The following ZMYM2 variants were observed in gnomAD, a reference collection of about 807,000 sequenced individuals.
The protein encoded by ZMYM2 is zinc finger MYM-type containing 2.
ZMYM2 carries 56 observed loss-of-function variants against 162.8 expected under a neutral mutation model. The ratio of observed to expected loss-of-function variants is 0.34; its 90% CI spans 0.28 to 0.43. The LOEUF (loss-of-function observed/expected upper bound fraction) is 0.43, where lower values mean the gene tolerates loss of function less well. ZMYM2 is among the 20% of genes least tolerant of loss of function. The pLI is 1.00. For missense variants in ZMYM2, 1,275 were observed against 1,621.8 expected (o/e 0.79, Z 3.67); for synonymous variants, 510 against 541.6 (o/e 0.94, Z 0.81).
At chr13:19,954,964 C>T (rs752138730), upstream of ZMYM2, among the ~76,000 whole-genome samples, 6 of 151,892 alleles carry the variant, frequency 4.0e-5, no homozygotes, top group African/African-American at 9.7e-5. Flanking sequence ...GCATGCACCA[C>T]GCTGCCCGGC....
chr13:20,084,452 A>G (rs1372577989), intron 24 of ZMYM2, among the ~76,000 whole-genome samples: 1 of 152,186 alleles, frequency 6.6e-6, no homozygotes, highest in Non-Finnish European at 1.5e-5. Context: ...TTGTGACTAG[A>G]AAGCAGCCAT....
At chr13:19,906,368 T>A in the ZMYM2 span, among the ~76,000 whole-genome samples, 1 of 142,552 alleles carries the variant, frequency 7.0e-6, no homozygotes, top group Admixed American at 7.4e-5. Context: ...TATATATGTA[T>A]ATATATATGT....
In ZMYM2 at chr13:20,082,086, T is replaced by A; in HGVS notation, c.3524T>A (p.Leu1175Ter). Residue 1175 changes from leucine to a stop codon, truncating the protein, a stop_gained, in exon 22 of 25, where the codon TTG (leucine) becomes TAG (stop). Coordinates refer to ENST00000610343, the MANE Select transcript of ZMYM2 (RefSeq NM_197968.4). LOFTEE classifies it high-confidence loss of function. ...DPGYQTFEQE[L>*]NKILRSWQPS... is the part of the protein sequence containing the mutation. ...GGATACCAAACATTTGAGCAAGAATTGAATAAAATACTGCGAAGCTGGCAA... is the reference window on the plus strand; with the variant it reads ...GGATACCAAACATTTGAGCAAGAATAGAATAAAATACTGCGAAGCTGGCAA... 1 of 1,608,720 alleles carries A rather than the reference T, an allele frequency of 6.2e-7. No individual in the cohort carries two copies. The highest frequency in any genetic ancestry group is 8.5e-7 in the Non-Finnish European group (1 of 1,178,252).
At chr13:20,072,312 G>A (rs1322253793) in intron 21 of ZMYM2, among the ~76,000 whole-genome samples, 2 of 152,212 alleles carry the variant, frequency 1.3e-5, no homozygotes, top group African/African-American at 4.8e-5. Flanking sequence ...CTGAGGTTCA[G>A]GAGTTCTAGA....
At chr13:19,947,012 T>A in the ZMYM2 span, among the ~76,000 whole-genome samples, 4 of 152,044 alleles carry the variant, frequency 2.6e-5, no homozygotes, top group Non-Finnish European at 5.9e-5. Flanking sequence ...TGATTTGTTA[T>A]CAATTTTTTA....
intron 5 of ZMYM2, 129 bp from the exon 6 acceptor site, chr13:20,006,245 A>T: frequency 1.1e-6 from 1 of 879,870 alleles, no homozygotes; most frequent in Non-Finnish European, 1.5e-6. Flanking sequence ...AAAAAAAAAA[A>T]AAATTTTTTT....
intron 2 of ZMYM2, among the ~76,000 whole-genome samples, chr13:19,967,200 A>G (rs1166899966): frequency 1.3e-5 from 2 of 152,072 alleles, no homozygotes; most frequent in Non-Finnish European, 2.9e-5. Flanking sequence ...CTGTAATAGC[A>G]TCCTATATAA....
At chr13:20,033,529 A>C (rs552207869) in intron 10 of ZMYM2, among the ~76,000 whole-genome samples, 2 of 152,236 alleles carry the variant, frequency 1.3e-5, no homozygotes, top group South Asian at 4.2e-4. Flanking sequence ...AGACTCCCTC[A>C]CCTTCCTTAT....
intron 2 of ZMYM2, among the ~76,000 whole-genome samples, chr13:19,960,410 C>G (rs1301880391): frequency 1.3e-5 from 2 of 152,196 alleles, no homozygotes; most frequent in East Asian, 3.9e-4. Context: ...TTTTTTCTTC[C>G]TTAAACAATG....
intron 21 of ZMYM2, among the ~76,000 whole-genome samples, chr13:20,073,398 G>T (rs377437546): frequency 9.2e-5 from 14 of 152,342 alleles, no homozygotes; most frequent in African/African-American, 3.4e-4. Flanking sequence ...TCATAGGTTT[G>T]TGGGATTGGG....
chr13:20,036,821 A>G lies in ZMYM2; in HGVS notation c.2204A>G (p.Lys735Arg). The change falls in exon 12 of 25, where the codon AAG becomes AGG. Residue 735 changes from lysine to arginine, a missense_variant. Coordinates refer to ENST00000610343, the MANE Select transcript of ZMYM2 (RefSeq NM_197968.4). ...VTCNYCSQLC[K>R]KGATKELDGV... The stretch of plus-strand genomic sequence containing the variant: ...TGCAACTATTGTTCTCAGCTATGTA[A>G]GAAGGGAGCAACTAAAGAACTCGAT... 6.2e-7 allele frequency: 1 copy of G among 1,609,734 alleles called. No homozygotes were observed. The highest frequency in any genetic ancestry group is 8.5e-7 in the Non-Finnish European group (1 of 1,177,830).
chr13:20,088,721 A>G lies in ZMYM2; in HGVS notation c.*2707A>G. On this transcript the variant is annotated 3_prime_UTR_variant, in exon 25 of 25. Transcript: ENST00000610343. ...TCAGTATGTTAAACATTGAAGTAGG[A>G]GGAGGATGCATATTGTACTATGCAT... 1 of 195,876 alleles carries G rather than the reference A, an allele frequency of 5.1e-6. No homozygotes were observed. Among genetic ancestry groups the G allele is most frequent in the Non-Finnish European group, 1.1e-5 (1 of 94,196 alleles). The allele number at this position is 195,876 out of a possible 1,614,324, so 12.1% of individuals were successfully genotyped here.
At chr13:19,897,978 A>G in the ZMYM2 span, among the ~76,000 whole-genome samples, 1 of 152,136 alleles carries the variant, frequency 6.6e-6, no homozygotes, top group Non-Finnish European at 1.5e-5. Flanking sequence ...CTGAAACAAC[A>G]CTATGGAACA....
chr13:19,900,711 A>AAAT, the ZMYM2 span, among the ~76,000 whole-genome samples: 9 of 151,636 alleles, frequency 5.9e-5, no homozygotes, highest in South Asian at 2.1e-4. Context: ...TGTGCTTGGT[A>AAAT]AATAATAATA....
At chr13:19,953,456 G>A in the ZMYM2 span, among the ~76,000 whole-genome samples, 1,546 of 152,058 alleles carry the variant, frequency 0.01, 36 homozygotes, top group African/African-American at 0.035. Flanking sequence ...AGGCTGAGGC[G>A]GGTGGATCAC....
At chr13:19,960,902 A>AAGT (rs1955137407) in intron 2 of ZMYM2, among the ~76,000 whole-genome samples, 1 of 152,204 alleles carries the variant, frequency 6.6e-6, no homozygotes, top group African/African-American at 2.4e-5. Flanking sequence ...ATTTACGCTT[A>AAGT]AGTATTCAGT....
rs1465107843 is a variant in ZMYM2 at position 19,983,168 on chromosome 13, G to A, written c.-10-9895G>A. ...TTCACTTTTTTTTTTTTTTTGAGAC[G>A]GAGTCTCATTCTGTTGCCCAGGTTG... On this transcript the variant is annotated intron_variant, in intron 2 of 24. Coordinates refer to ENST00000610343, the MANE Select transcript of ZMYM2 (RefSeq NM_197968.4). Among the ~76,000 whole-genome samples the A allele has an allele frequency of 8.3e-5, 12 of 144,264 alleles. No individual in the cohort carries two copies. The South Asian group carries it at 8.6e-4, about 10-fold the overall frequency. The allele number at this position is 144,264 out of a possible 152,430, so 94.6% of individuals were successfully genotyped here.
chr13:19,880,743 T>G, the ZMYM2 span, among the ~76,000 whole-genome samples: 1 of 152,350 alleles, frequency 6.6e-6, no homozygotes, highest in East Asian at 1.9e-4. Flanking sequence ...AATTGTTTTC[T>G]TAATTTTCTT....
At chr13:20,004,943 A>C (rs1950634831) in intron 4 of ZMYM2, 131 bp from the exon 5 acceptor site, 2 of 624,006 alleles carry the variant, frequency 3.2e-6, no homozygotes, top group African/African-American at 1.9e-5. Context: ...TCTAATAAAA[A>C]TGATTTATTA....
Sources: allele counts gnomAD v4.1 joint callset (sites outside exome capture counted in the v4.1 genomes callset), GRCh38; gene constraint gnomAD v4.1.1; transcripts MANE v1.5; gene names NCBI Gene and HGNC (gene_info 2026-07-23, HGNC 2026-07-21).